The following CFAP69 variants were observed in gnomAD, a reference collection of about 807,000 sequenced individuals.
CFAP69 encodes the protein cilia and flagella associated protein 69.
CFAP69 carries 92 observed loss-of-function variants against 123.0 expected under a neutral mutation model. That is an observed-to-expected ratio of 0.75 (90% CI 0.63 to 0.89). CFAP69 has a LOEUF of 0.89. Ranked by LOEUF, CFAP69 falls within the 40% of genes least tolerant of loss-of-function variation. The pLI, the probability that CFAP69 is intolerant of heterozygous loss-of-function variation, is 0.00. For missense variants in CFAP69, 1,067 were observed against 1,096.9 expected, an observed-to-expected ratio of 0.97 and a Z score of 0.39; for synonymous variants, 380 against 364.3, an observed-to-expected ratio of 1.04 and a Z score of -0.49.
chr7:90,314,982 G>C (rs954845890), downstream of CFAP69, among the ~76,000 whole-genome samples: 3 of 151,742 alleles, frequency 2.0e-5, no homozygotes, highest in African/African-American at 7.3e-5. Flanking sequence ...GTCATACATG[G>C]AGCCAACAAG....
At chr7:90,289,168 ACCTAGATGTAAAAATG>A (rs1325397147) in intron 15 of CFAP69, among the ~76,000 whole-genome samples, 1 of 152,034 alleles carries the variant, frequency 6.6e-6, no homozygotes, top group African/African-American at 2.4e-5. Flanking sequence ...TCCAGTATAC[ACCTAGATGTAAAAATG>A]CCCAGATCTG....
chr7:90,288,485 C>A, intron 15 of CFAP69, 133 bp downstream of exon 15: 1 of 1,039,722 alleles, frequency 9.6e-7, no homozygotes, highest in Admixed American at 2.4e-5. Context: ...TGTAGTTACA[C>A]AAACATAGAT....
chr7:90,277,232 G>A lies in CFAP69; in HGVS notation c.1053G>A (p.Leu351=), dbSNP rs150221474. ...TCACAGTTAAAAGTCAAAATCTTTT[G>A]GTAAAAGGACTTAAGCTTTCTAATT... ...TFNEVKSQNL[L]VKGLKLSNSY... The change falls in exon 11 of 23, where the codon TTG becomes TTA. Residue 351 remains leucine (L), a synonymous_variant. Transcript: ENST00000389297. The A allele has an allele frequency of 5.5e-4, 881 of 1,587,766 alleles. 9 individuals carry two copies. In the East Asian group the frequency reaches 0.017, roughly 31 times the overall value.
chr7:90,288,187 T>C (rs993342764), intron 14 of CFAP69, 47 bp from the exon 15 acceptor site: 3 of 1,463,312 alleles, frequency 2.1e-6, no homozygotes, highest in Non-Finnish European at 1.9e-6. Flanking sequence ...AAGGGAGGAA[T>C]TATTTATTTA....
chr7:90,307,089 A>T lies in CFAP69; in HGVS notation c.2454A>T (p.Val818=). Reference sequence around the variant, plus strand: ...AAGACATGCAAAATGAACAAAAAGTATATGCAAAAGTAAGCTACATAGGTA... The same window carrying T: ...AAGACATGCAAAATGAACAAAAAGTTTATGCAAAAGTAAGCTACATAGGTA... ...ACQDMQNEQK[V]YAKIQATHKQ... The change falls in exon 20 of 23, where the codon GTA becomes GTT. Residue 818 remains valine (V), a synonymous_variant. Coordinates refer to ENST00000389297, the MANE Select transcript of CFAP69 (RefSeq NM_001039706.3). The T allele has an allele frequency of 6.2e-7, 1 of 1,610,396 alleles. No homozygotes were observed. Among genetic ancestry groups the T allele is most frequent in the Non-Finnish European group, 8.5e-7 (1 of 1,178,996 alleles).
rs1363278335 is a variant in CFAP69, at chr7:90,258,115, A to C, written c.198A>C (p.Lys66Asn). 1.2e-6 allele frequency: 2 copies of C among 1,611,644 alleles called. No homozygotes were observed. Among genetic ancestry groups the C allele is most frequent in the African/African-American group, 2.7e-5 (2 of 74,850 alleles). The change falls in exon 3 of 23, where the codon AAA becomes AAC. Residue 66 changes from lysine to asparagine, a missense_variant. Lys to Asn is a moderately conservative substitution (Grantham distance 94, BLOSUM62 0). Coordinates refer to ENST00000389297, the MANE Select transcript of CFAP69 (RefSeq NM_001039706.3). Reference protein sequence around the residue: ...EETDKDGLEEKQLKFVKKLVQ... With the variant: ...EETDKDGLEENQLKFVKKLVQ... ...TGTTTTAGGATGGCTTGGAAGAAAA[A>C]CAACTTAAATTTGTCAAGAAACTGG...
At chr7:90,294,938 A>G (rs1372602678) in intron 15 of CFAP69, among the ~76,000 whole-genome samples, 3 of 152,182 alleles carry the variant, frequency 2.0e-5, no homozygotes, top group Non-Finnish European at 4.4e-5. Flanking sequence ...AGTGTGGGGA[A>G]GGTGAGGTGC....
intron 17 of CFAP69, chr7:90,300,645 TTTTTTTTTTC>T (rs1317080809): frequency 0.012 from 920 of 76,016 alleles, 1 homozygote; most frequent in Middle Eastern, 0.02. Context: ...CATTTTTTTC[TTTTTTTTTTC>T]TTTTTTTTTT....
At chr7:90,314,655 ACTCTGTACCATCCTTGC>A (rs1794612345), downstream of CFAP69, among the ~76,000 whole-genome samples, 1 of 150,062 alleles carries the variant, frequency 6.7e-6, no homozygotes. Context: ...GTATATAGGA[ACTCTGTACCATCCTTGC>A]AACTTCTCTG....
Position 90,245,263 on chromosome 7 carries a change from G to C in CFAP69, c.-162G>C. The stretch of plus-strand genomic sequence containing the variant: ...GCAGCGGCGCTAAGCGGACTGTATG[G>C]CGGTGGCCTAGGCCCCTGGCGGAAT... On this transcript the variant is annotated 5_prime_UTR_variant, in exon 1 of 23. Transcript: ENST00000389297. 1.1e-6 allele frequency: 1 copy of C among 925,702 alleles called. No individual in the cohort carries two copies. The highest frequency in any genetic ancestry group is 1.5e-6 in the Non-Finnish European group (1 of 668,132). 57.3% of individuals were successfully genotyped at this position (925,702 alleles called of 1,614,324 possible).
intron 3 of CFAP69, among the ~76,000 whole-genome samples, chr7:90,259,650 C>T (rs551108066): frequency 6.6e-6 from 1 of 151,998 alleles, no homozygotes; most frequent in Non-Finnish European, 1.5e-5. Context: ...ACCCACCACA[C>T]CCAGTTAATT....
chr7:90,300,408 T>C, intron 17 of CFAP69: 1 of 860,980 alleles, frequency 1.2e-6, no homozygotes, highest in Non-Finnish European at 1.4e-6. Flanking sequence ...TTCAAAATAA[T>C]ATTTTGGTAT....
In CFAP69 at chr7:90,310,379, A is replaced by G. The variant is rs538282070; in HGVS notation, c.*141A>G. ...TAAAATACTATAAAAATAAAAGGAC[A>G]TATAATTTATTTTTATGGAAAACAT... On this transcript the variant is annotated 3_prime_UTR_variant, in exon 23 of 23. Transcript: ENST00000389297. 7.4e-5 allele frequency: 32 copies of G among 433,890 alleles called. No individual in the cohort carries two copies. The highest frequency in any genetic ancestry group is 4.3e-4 in the African/African-American group (21 of 48,962). The allele number at this position is 433,890 out of a possible 1,614,324, so 26.9% of individuals were successfully genotyped here. A position where few individuals can be genotyped will look rare whatever the true frequency, so the allele number is the denominator to read the frequency against.
Position 90,245,470 on chromosome 7 carries a change from G to A in CFAP69, c.46G>A (p.Gly16Ser), listed in dbSNP as rs1309077724. The part of the protein sequence containing the change: ...AGATAEAQES[G>S]IRNKSSSSSQ... ...GGCGACCGCCGAGGCCCAGGAATCC[G>A]GCATCAGGAACAAGTCTAGCAGTTC... The change falls in exon 1 of 23, where the codon GGC becomes AGC. Residue 16 changes from glycine (G) to serine (S), a missense_variant. By Grantham distance (56) the Gly-to-Ser change is moderately conservative. Coordinates refer to ENST00000389297, the MANE Select transcript of CFAP69 (RefSeq NM_001039706.3). 4 of 1,553,982 alleles carry A rather than the reference G, an allele frequency of 2.6e-6. No homozygotes were observed. Among genetic ancestry groups the A allele is most frequent in the Admixed American group, 4.0e-5 (2 of 49,704 alleles).
intron 15 of CFAP69, among the ~76,000 whole-genome samples, chr7:90,290,775 C>A (rs932141548): frequency 3.2e-5 from 4 of 123,424 alleles, no homozygotes; most frequent in African/African-American, 1.4e-4. Flanking sequence ...CTTTTCTTTT[C>A]TTTTCTTTTC....
intron 13 of CFAP69, among the ~76,000 whole-genome samples, chr7:90,285,298 G>A (rs1790102916): frequency 6.6e-6 from 1 of 152,164 alleles, no homozygotes; most frequent in Non-Finnish European, 1.5e-5. Context: ...AGAATAGTCA[G>A]TCGCTCAGGG....
chr7:90,263,448 A>T (rs1483395906), intron 4 of CFAP69, among the ~76,000 whole-genome samples: 1 of 152,120 alleles, frequency 6.6e-6, no homozygotes, highest in African/African-American at 2.4e-5. Context: ...TATAATGCTA[A>T]TTTTTTCATA....
In CFAP69 at chr7:90,286,371, G is replaced by T. The variant is rs1175794777; in HGVS notation, c.1628G>T (p.Gly543Val). ...TCTGATATATTACTTATCCTATCTG[G>T]CCTTTGTGAGAATCACATTCAAAGG... ...IQSDILLILS[G>V]LCENHIQRKE... is the part of the protein sequence containing the mutation. The change falls in exon 14 of 23, where the codon GGC becomes GTC. Residue 543 changes from glycine to valine, a missense_variant. By Grantham distance (109) the Gly-to-Val change is moderately radical (BLOSUM62 -3). Coordinates refer to ENST00000389297, the MANE Select transcript of CFAP69 (RefSeq NM_001039706.3). The T allele has an allele frequency of 6.2e-7, 1 of 1,611,532 alleles. No individual in the cohort carries two copies. The highest frequency in any genetic ancestry group is 2.2e-5 in the East Asian group (1 of 44,758).
chr7:90,304,624 T>C (rs1793286953), intron 18 of CFAP69, 120 bp from the exon 19 acceptor site: 2 of 1,454,990 alleles, frequency 1.4e-6, no homozygotes, highest in East Asian at 5.1e-5. Context: ...AAAGTAACTT[T>C]GCATTTGTTT....
Sources: gnomAD v4.1 joint callset for allele counts (sites outside exome capture counted in the v4.1 genomes callset) on GRCh38, gnomAD v4.1.1 for gene constraint, MANE v1.5 for transcripts, NCBI Gene and HGNC (gene_info 2026-07-23, HGNC 2026-07-21) for gene names.